Variants in PTPRG observed in about 807,000 individuals in gnomAD.
The protein encoded by PTPRG is receptor-type tyrosine-protein phosphatase gamma.
A neutral mutation model predicts 165.3 loss-of-function variants in PTPRG; 102 were observed. The ratio of observed to expected loss-of-function variants is 0.62; its 90% CI spans 0.53 to 0.73. The LOEUF (loss-of-function observed/expected upper bound fraction) is 0.73. Ranked by LOEUF, PTPRG falls within the 30% of genes least tolerant of loss-of-function variation. The probability of loss-of-function intolerance (pLI) is 0.00; values close to 1 mark genes in which losing one functional copy is unlikely to be tolerated. For missense variants in PTPRG, 1,866 were observed against 1,861.4 expected (o/e 1.00, Z -0.05); for synonymous variants, 675 against 669.5 (o/e 1.01, Z -0.13).
chr3:61,738,324 A>ATGTATATATATATGTATATATATATGTG (rs1553657854), intron 1 of PTPRG, among the ~76,000 whole-genome samples: 1 of 93,652 alleles, frequency 1.1e-5, no homozygotes, highest in Non-Finnish European at 2.2e-5. Flanking sequence ...ATATATATAT[A>ATGTATATATATATGTATATATATATGTG]TATATATATA....
chr3:62,046,818 T>C (rs1484184843), intron 4 of PTPRG, among the ~76,000 whole-genome samples: 1 of 152,192 alleles, frequency 6.6e-6, no homozygotes, highest in Non-Finnish European at 1.5e-5. Context: ...ACTGTTGTTA[T>C]GTGGAAAGAT....
At chr3:61,666,776 G>A (rs1702823914) in intron 1 of PTPRG, among the ~76,000 whole-genome samples, 1 of 152,172 alleles carries the variant, frequency 6.6e-6, no homozygotes, top group East Asian at 1.9e-4. Context: ...CTAGATGCCA[G>A]TAGCACACTC....
At chr3:61,730,721 G>A (rs955327757) in intron 1 of PTPRG, among the ~76,000 whole-genome samples, 7 of 152,196 alleles carry the variant, frequency 4.6e-5, no homozygotes, top group Non-Finnish European at 1.0e-4. Flanking sequence ...ACTCTAAGAT[G>A]AGTGGTCATG....
rs567285379 is a variant in PTPRG, at chr3:61,695,293, G to T, written c.86-53585G>T. On this transcript the variant is annotated intron_variant, in intron 1 of 29. Transcript: ENST00000474889. Reference sequence around the variant, plus strand: ...TCCAAAGTGCTGGGATTACAAGTGTGAGCCACCGCGCCTGGCGTGTTTGGC... The same window carrying T: ...TCCAAAGTGCTGGGATTACAAGTGTTAGCCACCGCGCCTGGCGTGTTTGGC... 4.5e-4 allele frequency among the ~76,000 whole-genome samples: 69 copies of T among 152,318 alleles called. No homozygotes were observed. The South Asian group carries it at 0.013, about 28-fold the overall frequency.
chr3:62,055,490 T>G (rs563507146), intron 4 of PTPRG, among the ~76,000 whole-genome samples: 11 of 152,272 alleles, frequency 7.2e-5, no homozygotes, highest in Non-Finnish European at 1.5e-4. Context: ...CTAATCCTGT[T>G]TTTCAGATAC....
chr3:61,890,034 T>C (rs1396263355), intron 2 of PTPRG, among the ~76,000 whole-genome samples: 2 of 152,232 alleles, frequency 1.3e-5, no homozygotes, highest in Non-Finnish European at 2.9e-5. Context: ...ATAACTATTC[T>C]CATACTTTTT....
At chr3:62,040,709 T>C (rs1700100388) in intron 4 of PTPRG, among the ~76,000 whole-genome samples, 1 of 152,238 alleles carries the variant, frequency 6.6e-6, no homozygotes, top group Non-Finnish European at 1.5e-5. Context: ...TCCAGAGTGC[T>C]TGGATTACAG....
intron 1 of PTPRG, among the ~76,000 whole-genome samples, chr3:61,718,592 T>TG (rs2031916307): frequency 6.6e-6 from 1 of 152,178 alleles, no homozygotes; most frequent in African/African-American, 2.4e-5. Flanking sequence ...GTGTCTCTGT[T>TG]GCTTTGAAAC....
Position 62,084,857 on chromosome 3 carries a change from T to C in PTPRG, c.615+6599T>C, listed in dbSNP as rs545138642. Among the ~76,000 whole-genome samples the C allele has an allele frequency of 3.3e-5, 5 of 152,356 alleles. No homozygotes were observed. In the East Asian group the frequency reaches 9.6e-4, roughly 29 times the overall value. On this transcript the variant is annotated intron_variant, in intron 5 of 29. Coordinates refer to ENST00000474889, the MANE Select transcript of PTPRG (RefSeq NM_002841.4). ...GTGAGATCATTGAGGCTTGAGAGTCTTCATTCATCATTATGTCTCTTACAC... is the reference window on the plus strand; with the variant it reads ...GTGAGATCATTGAGGCTTGAGAGTCCTCATTCATCATTATGTCTCTTACAC...
At chr3:61,634,392 C>A (rs1304817203) in intron 1 of PTPRG, among the ~76,000 whole-genome samples, 1 of 152,022 alleles carries the variant, frequency 6.6e-6, no homozygotes, top group Non-Finnish European at 1.5e-5. Flanking sequence ...TGCCTACCAC[C>A]ACGCCCGGCT....
chr3:62,176,167 T>C (rs1358515021), intron 8 of PTPRG, among the ~76,000 whole-genome samples: 1 of 152,022 alleles, frequency 6.6e-6, no homozygotes, highest in African/African-American at 2.4e-5. Flanking sequence ...TATCGCAGGT[T>C]GGATGAGGAT....
intron 8 of PTPRG, among the ~76,000 whole-genome samples, chr3:62,178,319 C>T (rs1197033470): frequency 6.6e-6 from 1 of 152,138 alleles, no homozygotes; most frequent in Non-Finnish European, 1.5e-5. Flanking sequence ...CTAACATATA[C>T]ATATCAGGTG....
chr3:61,867,453 C>G lies in PTPRG; in HGVS notation c.190+118471C>G, dbSNP rs1440886683. On this transcript the variant is annotated intron_variant, in intron 2 of 29. Transcript: ENST00000474889. ...GCGAGTCTTTTCCCCTCTCTTCTTT[C>G]CCTCCTTTTTATTTAACAATAATAA... Among the ~76,000 whole-genome samples, 3 of 152,266 alleles carry G rather than the reference C, an allele frequency of 2.0e-5. No homozygotes were observed. The South Asian group carries it at 6.2e-4, about 32-fold the overall frequency.
intron 1 of PTPRG, among the ~76,000 whole-genome samples, chr3:61,727,824 C>A (rs2032326675): frequency 6.6e-6 from 1 of 152,214 alleles, no homozygotes; most frequent in Admixed American, 6.5e-5. Flanking sequence ...TACCATGACA[C>A]TGAAATTTCG....
intron 1 of PTPRG, among the ~76,000 whole-genome samples, chr3:61,599,095 C>T (rs1700777960): frequency 6.6e-6 from 1 of 152,192 alleles, no homozygotes; most frequent in African/African-American, 2.4e-5. Flanking sequence ...CAAGCAACCT[C>T]AGTCAAGCAA....
At chr3:61,851,245 C>G (rs755234297) in intron 2 of PTPRG, among the ~76,000 whole-genome samples, 3 of 152,146 alleles carry the variant, frequency 2.0e-5, no homozygotes, top group Non-Finnish European at 4.4e-5. Flanking sequence ...AAAACTCCAG[C>G]TCAGAAAGGA....
intron 5 of PTPRG, among the ~76,000 whole-genome samples, chr3:62,095,421 C>T (rs1453069919): frequency 1.3e-5 from 2 of 152,134 alleles, no homozygotes; most frequent in South Asian, 2.1e-4. Flanking sequence ...GAGGAGATCA[C>T]GTACCATCCT....
intron 2 of PTPRG, among the ~76,000 whole-genome samples, chr3:61,757,725 G>A (rs1248266770): frequency 1.3e-5 from 2 of 152,100 alleles, no homozygotes; most frequent in Non-Finnish European, 2.9e-5. Flanking sequence ...GTCAACACAA[G>A]GCATACAGAA....
chr3:61,742,763 G>C lies in PTPRG; in HGVS notation c.86-6115G>C. On this transcript the variant is annotated intron_variant, in intron 1 of 29. Coordinates refer to ENST00000474889, the MANE Select transcript of PTPRG (RefSeq NM_002841.4). ...AGGATTCGTGGAATCTGCTTGATCA[G>C]AGACTCTGAGGCCAAAAACGCATCA... The C allele has an allele frequency of 3.7e-6, 6 of 1,611,742 alleles. No individual in the cohort carries two copies. The East Asian group carries it at 1.1e-4, about 30-fold the overall frequency.
Sources: gnomAD v4.1 joint callset for allele counts (sites outside exome capture counted in the v4.1 genomes callset) on GRCh38, gnomAD v4.1.1 for gene constraint, MANE v1.5 for transcripts, NCBI Gene and HGNC (gene_info 2026-07-23, HGNC 2026-07-21) for gene names.